The following HAPLN4 variants were observed in gnomAD, a reference collection of about 807,000 sequenced individuals.
The protein encoded by HAPLN4 is hyaluronan and proteoglycan link protein 4.
A neutral mutation model predicts 28.0 loss-of-function variants in HAPLN4; 19 were observed. That is an observed-to-expected ratio of 0.68 (90% CI 0.47 to 1.00). HAPLN4 has a LOEUF of 1.00. Among genes scored for constraint, HAPLN4 ranks in the 50% least tolerant of loss-of-function variants. HAPLN4 has a pLI of 0.00. For synonymous variants in HAPLN4, 274 were observed against 273.0 expected, an observed-to-expected ratio of 1.00 and a Z score of -0.03; for missense variants, 587 against 602.6, an observed-to-expected ratio of 0.97 and a Z score of 0.27.
chr19:19,258,177 A>G lies in HAPLN4; in HGVS notation c.849T>C (p.Pro283=), dbSNP rs2060972061. The part of the protein sequence containing the change: ...GRVFFLKPLR[P]VPFSGAARAC... ...CGCGCGCAGCTCCGGAGAAGGGTAC[A>G]GGTCGCAGCGGCTTCAGGAAGAACA... Residue 283 remains proline (P), a synonymous_variant, in exon 5 of 5, where the codon CCT becomes CCC. Coordinates refer to ENST00000291481, the MANE Select transcript of HAPLN4 (RefSeq NM_023002.3). This position sits in a 1 kb window ranked among gnomAD's most constrained non-coding sequence, Gnocchi z 6.2. The G allele has an allele frequency of 2.0e-6, 3 of 1,516,648 alleles. No homozygotes were observed. The highest frequency in any genetic ancestry group is 2.4e-5 in the South Asian group (2 of 81,854). The allele number at this position is 1,516,648 out of a possible 1,614,324, so 93.9% of individuals were successfully genotyped here. A position where few individuals can be genotyped will look rare whatever the true frequency, so the allele number is the denominator to read the frequency against.
In HAPLN4 at chr19:19,258,249, C is replaced by T; in HGVS notation, c.818-41G>A. 1 of 1,445,854 alleles carries T rather than the reference C, an allele frequency of 6.9e-7. No homozygotes were observed. Among genetic ancestry groups the T allele is most frequent in the South Asian group, 1.4e-5 (1 of 71,356 alleles). 89.6% of individuals were successfully genotyped at this position (1,445,854 alleles called of 1,614,324 possible). ...GGGGGGTGGGTTATTAGTGCGGCTC[C>T]TGGGACCCTGCTTCGGTGGGATTCA... is the stretch of plus-strand genomic sequence containing the variant. On this transcript the variant is annotated intron_variant, in intron 4 of 4. Transcript: ENST00000291481. This position sits in a 1 kb window ranked among gnomAD's most constrained non-coding sequence, Gnocchi z 6.2.
intron 3 of HAPLN4, among the ~76,000 whole-genome samples, 168 bp downstream of exon 3, chr19:19,260,645 T>C (rs78856809): frequency 7.2e-4 from 109 of 152,260 alleles, no homozygotes; most frequent in Admixed American, 1.4e-3. Flanking sequence ...TCTCCAGACA[T>C]CGCCAATGTC....
Position 19,260,900 on chromosome 19 carries a change from C to A in HAPLN4, c.397G>T (p.Val133Phe), listed in dbSNP as rs114536312. ...PGDASLVLRNVTLQDYGRYEC... is the reference protein window; with the variant it reads ...PGDASLVLRNFTLQDYGRYEC... ...TAGCGCCCGTAGTCTTGCAGCGTGA[C>A]GTTGCGGAGGACCAGGGAGGCATCC... The change falls in exon 3 of 5, where the codon GTC (valine) becomes TTC (phenylalanine). Residue 133 changes from valine (V) to phenylalanine (F), a missense_variant. By Grantham distance (50) the Val-to-Phe change is conservative. Coordinates refer to ENST00000291481, the MANE Select transcript of HAPLN4 (RefSeq NM_023002.3). The A allele has an allele frequency of 6.2e-7, 1 of 1,614,146 alleles. No individual in the cohort carries two copies. Among genetic ancestry groups the A allele is most frequent in the Non-Finnish European group, 8.5e-7 (1 of 1,180,036 alleles).
intron 3 of HAPLN4, 60 bp downstream of exon 3, chr19:19,260,752 TG>T: frequency 6.4e-7 from 1 of 1,560,370 alleles, no homozygotes; most frequent in Non-Finnish European, 8.7e-7. Context: ...TTATGTCCCT[TG>T]CCATCCCCGC....
Position 19,255,932 on chromosome 19 carries a change from G to T in HAPLN4, c.*1885C>A. The stretch of plus-strand genomic sequence containing the variant: ...ACTGGGGTCTCCCACGGCCGGGATG[G>T]CCTTGTCCATGGATCATGTCCCCCC... On this transcript the variant is annotated 3_prime_UTR_variant, in exon 5 of 5. Coordinates refer to ENST00000291481, the MANE Select transcript of HAPLN4 (RefSeq NM_023002.3). 1 of 152,390 alleles carries T rather than the reference G, an allele frequency of 6.6e-6. No homozygotes were observed. Among genetic ancestry groups the T allele is most frequent in the Non-Finnish European group, 1.5e-5 (1 of 68,074 alleles). 9.4% of individuals were successfully genotyped at this position (152,390 alleles called of 1,614,324 possible).
chr19:19,257,925 T>C lies in HAPLN4; in HGVS notation c.1101A>G (p.Pro367=), dbSNP rs1423241263. The C allele has an allele frequency of 9.3e-6, 14 of 1,508,592 alleles. No homozygotes were observed. The highest frequency in any genetic ancestry group is 6.3e-5 in the Admixed American group (3 of 47,320). 93.5% of individuals were successfully genotyped at this position (1,508,592 alleles called of 1,614,324 possible). The change falls in exon 5 of 5, where the codon CCA becomes CCG. Residue 367 remains proline, a synonymous_variant. Transcript: ENST00000291481. The part of the protein sequence containing the change: ...RLFGVYCYRA[P]GAPDPAPGGW... ...CGCCAGGTGCCGGGTCCGGTGCTCCTGGAGCGCGGTAGCAGTAGACGCCGA... is the reference window on the plus strand; with the variant it reads ...CGCCAGGTGCCGGGTCCGGTGCTCCCGGAGCGCGGTAGCAGTAGACGCCGA...
chr19:19,257,780 A>G lies in HAPLN4; in HGVS notation c.*37T>C, dbSNP rs750072751. The G allele has an allele frequency of 9.3e-5, 129 of 1,392,180 alleles. No homozygotes were observed. The highest frequency in any genetic ancestry group is 1.1e-4 in the Non-Finnish European group (122 of 1,080,500). The allele number at this position is 1,392,180 out of a possible 1,614,324, so 86.2% of individuals were successfully genotyped here. On this transcript the variant is annotated 3_prime_UTR_variant, in exon 5 of 5. Transcript: ENST00000291481. Reference sequence around the variant, plus strand: ...CCAGGGGACCACAGGGCTCTAGACCAGTGGTCAAGCGCCCTGGCTGTCCGC... The same window carrying G: ...CCAGGGGACCACAGGGCTCTAGACCGGTGGTCAAGCGCCCTGGCTGTCCGC...
intron 3 of HAPLN4, among the ~76,000 whole-genome samples, chr19:19,260,189 G>A (rs938965637): frequency 6.6e-6 from 1 of 152,060 alleles, no homozygotes; most frequent in African/African-American, 2.4e-5. Flanking sequence ...TTTTGGACTG[G>A]ATCACTTTTA....
At position 19,258,224 on chromosome 19, in the gene HAPLN4, G is replaced by T. The variant is rs907074442; in HGVS notation, c.818-16C>A. The T allele has an allele frequency of 4.8e-6, 7 of 1,466,536 alleles. No homozygotes were observed. Among genetic ancestry groups the T allele is most frequent in the East Asian group, 2.5e-5 (1 of 40,088 alleles). 90.8% of individuals were successfully genotyped at this position (1,466,536 alleles called of 1,614,324 possible). The stretch of plus-strand genomic sequence containing the variant: ...AACACGCGCCCTGCGGGGGTGAGGT[G>T]GGGGGTGGGTTATTAGTGCGGCTCC... On this transcript the variant is annotated splice_polypyrimidine_tract_variant and intron_variant, in intron 4 of 4. Transcript: ENST00000291481. The surrounding 1 kb of genome is among the most constrained non-coding windows in gnomAD (Gnocchi z 6.2).
chr19:19,259,822 C>A (rs1454133868), intron 3 of HAPLN4, among the ~76,000 whole-genome samples: 1 of 152,264 alleles, frequency 6.6e-6, no homozygotes, highest in African/African-American at 2.4e-5. Context: ...CTGGAAAAGG[C>A]CAATCAAATG....
At chr19:19,261,241 G>A in intron 2 of HAPLN4, 66 bp from the exon 3 acceptor site, 1 of 1,514,552 alleles carries the variant, frequency 6.6e-7, no homozygotes, top group Non-Finnish European at 8.9e-7. Flanking sequence ...TGGGGAAGGT[G>A]TCTCTGGGGA....
rs533292338 is a variant in HAPLN4 at position 19,261,578 on chromosome 19, CG to C, written c.4-16del. The C allele has an allele frequency of 3.7e-5, 53 of 1,450,694 alleles. 2 individuals carry two copies. In the South Asian group the frequency reaches 7.4e-4, roughly 20 times the overall value. 89.9% of individuals were successfully genotyped at this position (1,450,694 alleles called of 1,614,324 possible). A position where few individuals can be genotyped will look rare whatever the true frequency, so the allele number is the denominator to read the frequency against. On this transcript the variant is annotated splice_polypyrimidine_tract_variant and intron_variant, in intron 1 of 4. Coordinates refer to ENST00000291481, the MANE Select transcript of HAPLN4 (RefSeq NM_023002.3). ...CGAGCGCACACCTGGGGGGCGGGCACGGGGCGCTCAGTCCAGCCTCCCAGCC... is the reference window on the plus strand; with the variant it reads ...CGAGCGCACACCTGGGGGGCGGGCACGGGCGCTCAGTCCAGCCTCCCAGCC...
At chr19:19,261,344 G>A in intron 2 of HAPLN4, 102 bp downstream of exon 2, 1 of 1,269,568 alleles carries the variant, frequency 7.9e-7, no homozygotes. Context: ...GGAGTGGCTG[G>A]GGGAACCGCG....
chr19:19,261,570 G>A lies in HAPLN4; in HGVS notation c.4-7C>T. The A allele has an allele frequency of 6.8e-7, 1 of 1,470,078 alleles. No homozygotes were observed. Among genetic ancestry groups the A allele is most frequent in the South Asian group, 1.4e-5 (1 of 70,686 alleles). 91.1% of individuals were successfully genotyped at this position (1,470,078 alleles called of 1,614,324 possible). ...GGGCCGCCCGAGCGCACACCTGGGGGGCGGGCACGGGGCGCTCAGTCCAGC... is the reference window on the plus strand; with the variant it reads ...GGGCCGCCCGAGCGCACACCTGGGGAGCGGGCACGGGGCGCTCAGTCCAGC... On this transcript the variant is annotated splice_polypyrimidine_tract_variant and splice_region_variant and intron_variant, in intron 1 of 4. Transcript: ENST00000291481.
In HAPLN4 at chr19:19,261,309, G is replaced by C. The variant is rs974807211; in HGVS notation, c.122-134C>G. ...GGAATCAGAAGGGTCCAGGGGCTCA[G>C]GGAGAGGGCGAGGGGCTCAGATGGG... On this transcript the variant is annotated intron_variant, in intron 2 of 4. Transcript: ENST00000291481. The C allele has an allele frequency of 4.0e-6, 5 of 1,257,178 alleles. No homozygotes were observed. In the African/African-American group the frequency reaches 4.4e-5, roughly 11 times the overall value. The allele number at this position is 1,257,178 out of a possible 1,614,324, so 77.9% of individuals were successfully genotyped here.
In HAPLN4 at chr19:19,257,210, G is replaced by A. The variant is rs1279898156; in HGVS notation, c.*607C>T. 1.3e-5 allele frequency: 2 copies of A among 152,180 alleles called. No homozygotes were observed. Among genetic ancestry groups the A allele is most frequent in the African/African-American group, 4.8e-5 (2 of 41,390 alleles). 9.4% of individuals were successfully genotyped at this position (152,180 alleles called of 1,614,324 possible). ...AAACTGCAGGGGACTCTCAGGGAGA[G>A]GGGGAGAATGGGAGTCTCCAGGACT... On this transcript the variant is annotated 3_prime_UTR_variant, in exon 5 of 5. Coordinates refer to ENST00000291481, the MANE Select transcript of HAPLN4 (RefSeq NM_023002.3).
chr19:19,258,430 T>G lies in HAPLN4; in HGVS notation c.817+93A>C. ...AGGCACTCTTGGGAGAGGGGTCTCC[T>G]GTTTCTGATCGCTAAGAGCTGGGTG... On this transcript the variant is annotated intron_variant, in intron 4 of 4. Coordinates refer to ENST00000291481, the MANE Select transcript of HAPLN4 (RefSeq NM_023002.3). The surrounding 1 kb of genome is among the most constrained non-coding windows in gnomAD (Gnocchi z 6.2). The G allele has an allele frequency of 7.5e-7, 1 of 1,339,290 alleles. No homozygotes were observed. The highest frequency in any genetic ancestry group is 1.0e-6 in the Non-Finnish European group (1 of 963,894). 83.0% of individuals were successfully genotyped at this position (1,339,290 alleles called of 1,614,324 possible).
chr19:19,258,035 G>T lies in HAPLN4; in HGVS notation c.991C>A (p.Pro331Thr). ...GWLADGSARY[P>T]IVNPRARCGG... ...CAGCGCGCTCGCGGGTTCACGATGGGGTAGCGCGCACTGCCATCGGCCAGC... is the reference window on the plus strand; with the variant it reads ...CAGCGCGCTCGCGGGTTCACGATGGTGTAGCGCGCACTGCCATCGGCCAGC... Residue 331 changes from proline to threonine, a missense_variant, in exon 5 of 5, where the codon CCC becomes ACC. Coordinates refer to ENST00000291481, the MANE Select transcript of HAPLN4 (RefSeq NM_023002.3). This position sits in a 1 kb window ranked among gnomAD's most constrained non-coding sequence, Gnocchi z 6.2. The T allele has an allele frequency of 6.5e-7, 1 of 1,543,728 alleles. No individual in the cohort carries two copies. Among genetic ancestry groups the T allele is most frequent in the East Asian group, 2.4e-5 (1 of 41,580 alleles).
chr19:19,260,143 C>T (rs945082836), intron 3 of HAPLN4, among the ~76,000 whole-genome samples: 2 of 152,210 alleles, frequency 1.3e-5, no homozygotes, highest in Admixed American at 6.5e-5. Context: ...TGCCTGAATC[C>T]TATCCCAGGA....
Sources: gnomAD v4.1 joint callset for allele counts (sites outside exome capture counted in the v4.1 genomes callset) on GRCh38, gnomAD v4.1.1 for gene constraint, Gnocchi (gnomAD v3.1) non-coding constraint, MANE v1.5 for transcripts, NCBI Gene and HGNC (gene_info 2026-07-23, HGNC 2026-07-21) for gene names.